Variants in DAB2IP observed in about 807,000 individuals in gnomAD.
The protein encoded by DAB2IP is disabled homolog 2-interacting protein.
Under a neutral mutation model 107.2 loss-of-function variants are expected in DAB2IP, and 28 were observed. That is an observed-to-expected ratio of 0.26 (90% confidence interval 0.19 to 0.36). The LOEUF (loss-of-function observed/expected upper bound fraction) is 0.36. Ranked by LOEUF, DAB2IP falls within the 10% of genes least tolerant of loss-of-function variation. The pLI is 1.00. For missense variants in DAB2IP, 1,400 were observed against 1,644.7 expected (o/e 0.85, Z 2.57); for synonymous variants, 755 against 706.4 (o/e 1.07, Z -1.09).
Position 121,699,192 on chromosome 9 carries a change from G to T in DAB2IP, c.229-133G>T. On this transcript the variant is annotated intron_variant, in intron 2 of 15. Transcript: ENST00000408936. This position sits in a 1 kb window ranked among gnomAD's most constrained non-coding sequence, Gnocchi z 6.2. ...GGGCGGCGCGGGCCGCGAGCTGCTG[G>T]GGCCGAGCCCGAGCCCGGCCCGCCC... The T allele has an allele frequency of 1.0e-6, 1 of 962,986 alleles. No homozygotes were observed. The highest frequency in any genetic ancestry group is 4.7e-5 in the South Asian group (1 of 21,130). The allele number at this position is 962,986 out of a possible 1,614,324, so 59.7% of individuals were successfully genotyped here.
intron 1 of DAB2IP, among the ~76,000 whole-genome samples, chr9:121,624,934 C>A (rs796738882): frequency 1.3e-5 from 2 of 152,032 alleles, no homozygotes; most frequent in African/African-American, 4.8e-5. Flanking sequence ...TAGGGGGCTG[C>A]GAGAAGAGCA....
chr9:121,775,204 C>T (rs1168747706), intron 13 of DAB2IP, among the ~76,000 whole-genome samples: 1 of 152,196 alleles, frequency 6.6e-6, no homozygotes, highest in Non-Finnish European at 1.5e-5. Context: ...TCTCCACTCC[C>T]CTCTGGATGC....
intron 3 of DAB2IP, chr9:121,752,089 A>G: frequency 3.2e-6 from 3 of 938,210 alleles, no homozygotes; most frequent in Non-Finnish European, 3.8e-6. Flanking sequence ...CACAGAGGGT[A>G]GGATGAGCCT....
In DAB2IP at chr9:121,678,667, T is replaced by C; in HGVS notation, c.125-11T>C. On this transcript the variant is annotated splice_polypyrimidine_tract_variant and intron_variant, in intron 1 of 15. Transcript: ENST00000408936. The stretch of plus-strand genomic sequence containing the variant: ...TTCTTGTTCAACCTCTCTCTCCTCC[T>C]CTGTTGGCAGAGTCGCCTCAAGAAA... The C allele has an allele frequency of 6.5e-7, 1 of 1,530,746 alleles. No individual in the cohort carries two copies. The highest frequency in any genetic ancestry group is 8.8e-7 in the Non-Finnish European group (1 of 1,132,136). The allele number at this position is 1,530,746 out of a possible 1,614,324, so 94.8% of individuals were successfully genotyped here. A position where few individuals can be genotyped will look rare whatever the true frequency, so the allele number is the denominator to read the frequency against.
intron 1 of DAB2IP, among the ~76,000 whole-genome samples, chr9:121,590,091 C>T (rs1830395974): frequency 6.6e-6 from 1 of 151,906 alleles, no homozygotes. Context: ...CTGGAAACAG[C>T]TGTTCTCCTG....
At chr9:121,580,338 ACCTCT>A (rs991578989) in intron 1 of DAB2IP, among the ~76,000 whole-genome samples, 1 of 152,070 alleles carries the variant, frequency 6.6e-6, no homozygotes, top group African/African-American at 2.4e-5. Flanking sequence ...GGGTGGAGAG[ACCTCT>A]AGGGGTAGGT....
In DAB2IP at chr9:121,772,788, G is replaced by A. The variant is rs548264077; in HGVS notation, c.2260G>A (p.Ala754Thr). Residue 754 changes from alanine (A) to threonine (T), a missense_variant, in exon 12 of 16, where the codon GCC becomes ACC. Transcript: ENST00000408936. This position sits in a 1 kb window ranked among gnomAD's most constrained non-coding sequence, Gnocchi z 4.7. ...CCTCTCCATGGTGGACCTCCAGGAC[G>A]CCCGCACGCTGGATGGGGAGGCAGG... 1.9e-5 allele frequency: 30 copies of A among 1,612,952 alleles called. No homozygotes were observed. Among genetic ancestry groups the A allele is most frequent in the African/African-American group, 1.7e-4 (13 of 75,060 alleles).
intron 1 of DAB2IP, among the ~76,000 whole-genome samples, chr9:121,660,283 T>C (rs1833147561): frequency 1.3e-5 from 2 of 152,182 alleles, no homozygotes; most frequent in Admixed American, 1.3e-4. Flanking sequence ...ACTTTCTAGA[T>C]GAGAAAACTG....
At chr9:121,757,746 A>G (rs1833594285) in intron 4 of DAB2IP, among the ~76,000 whole-genome samples, 1 of 150,750 alleles carries the variant, frequency 6.6e-6, no homozygotes, top group South Asian at 2.1e-4. Flanking sequence ...CCAAGCCGGG[A>G]GCAGGGTTAC....
intron 3 of DAB2IP, chr9:121,750,836 T>C (rs1348012903): frequency 6.6e-6 from 1 of 152,260 alleles, no homozygotes; most frequent in Non-Finnish European, 1.5e-5. Context: ...GTGGGTTGGC[T>C]GGAACGCTAT....
At chr9:121,613,302 C>A (rs1469457535) in intron 1 of DAB2IP, among the ~76,000 whole-genome samples, 2 of 152,202 alleles carry the variant, frequency 1.3e-5, no homozygotes, top group Admixed American at 6.5e-5. Context: ...CCTGACTGCC[C>A]TTGCCTCTTG....
At chr9:121,641,651 AC>A (rs950681618) in intron 1 of DAB2IP, among the ~76,000 whole-genome samples, 11 of 152,012 alleles carry the variant, frequency 7.2e-5, no homozygotes, top group African/African-American at 2.7e-4. Flanking sequence ...CAGGATTTGC[AC>A]CCTGGCCTGC....
chr9:121,759,768 TG>T (rs1833753255), intron 5 of DAB2IP, 116 bp from the exon 6 acceptor site: 2 of 913,518 alleles, frequency 2.2e-6, no homozygotes. Context: ...AGGCGCCCGC[TG>T]CCGCCTCCAC....
chr9:121,637,717 G>A (rs1025186483), intron 1 of DAB2IP, among the ~76,000 whole-genome samples: 19 of 152,308 alleles, frequency 1.2e-4, no homozygotes, highest in Admixed American at 4.6e-4. Flanking sequence ...GATTTCTCCC[G>A]GGAGAGGCCC....
intron 3 of DAB2IP, among the ~76,000 whole-genome samples, chr9:121,727,708 C>T (rs773105115): frequency 8.5e-5 from 13 of 152,224 alleles, no homozygotes; most frequent in African/African-American, 2.9e-4. Flanking sequence ...ACTGCAGGGG[C>T]AGGTGAGGAG....
At position 121,699,380 on chromosome 9, in the gene DAB2IP, A is replaced by G; in HGVS notation, c.284A>G (p.Lys95Arg). ...ATCAAGCGCACCAAGAGCCAGCCCAAGCTGGACCGCAACCACAGCTTCCGC... is the reference window on the plus strand; with the variant it reads ...ATCAAGCGCACCAAGAGCCAGCCCAGGCTGGACCGCAACCACAGCTTCCGC... The change falls in exon 3 of 16, where the codon AAG becomes AGG. Residue 95 changes from lysine (K) to arginine (R), a missense_variant. Lys to Arg is a conservative substitution (Grantham distance 26, BLOSUM62 2). This residue lies in a region of DAB2IP where 283 missense variants were observed against 237.0 expected (regional missense o/e 1.19). Coordinates refer to ENST00000408936, the Ensembl canonical transcript of DAB2IP. This position sits in a 1 kb window ranked among gnomAD's most constrained non-coding sequence, Gnocchi z 6.2. 6.8e-7 allele frequency: 1 copy of G among 1,479,136 alleles called. No individual in the cohort carries two copies. The highest frequency in any genetic ancestry group is 9.0e-7 in the Non-Finnish European group (1 of 1,105,594). The allele number at this position is 1,479,136 out of a possible 1,614,324, so 91.6% of individuals were successfully genotyped here. A position where few individuals can be genotyped will look rare whatever the true frequency, so the allele number is the denominator to read the frequency against.
chr9:121,656,968 A>G (rs1265390409), intron 1 of DAB2IP, among the ~76,000 whole-genome samples: 1 of 152,220 alleles, frequency 6.6e-6, no homozygotes, highest in African/African-American at 2.4e-5. Flanking sequence ...CTTCACAGCC[A>G]ATGACTTCAC....
rs1587985093 is a variant in DAB2IP at position 121,766,343 on chromosome 9, G to A, written c.1461-151G>A. 2.9e-5 allele frequency: 20 copies of A among 698,348 alleles called. No individual in the cohort carries two copies. In the East Asian group the frequency reaches 4.3e-4, roughly 15 times the overall value. 43.3% of individuals were successfully genotyped at this position (698,348 alleles called of 1,614,324 possible). A position where few individuals can be genotyped will look rare whatever the true frequency, so the allele number is the denominator to read the frequency against. ...CACCCTGTATTGACTGCTCTCCCCA[G>A]ATGGCTGTGTCCTCAGAGCTCAGAC... On this transcript the variant is annotated intron_variant, in intron 8 of 15. Coordinates refer to ENST00000408936, the Ensembl canonical transcript of DAB2IP.
In DAB2IP at chr9:121,760,912, C is replaced by G. The variant is rs1352122138; in HGVS notation, c.1170+473C>G. 6.6e-6 allele frequency among the ~76,000 whole-genome samples: 1 copy of G among 152,230 alleles called. No homozygotes were observed. Among genetic ancestry groups the G allele is most frequent in the Non-Finnish European group, 1.5e-5 (1 of 68,032 alleles). On this transcript the variant is annotated intron_variant, in intron 6 of 15. Transcript: ENST00000408936. This position sits in a 1 kb window ranked among gnomAD's most constrained non-coding sequence, Gnocchi z 5.9. ...ACAGCTCTACCTCACCCCACACTCT[C>G]ACCCAGACACACAGATTGTCACACA...
Sources: gnomAD v4.1 joint callset for allele counts (sites outside exome capture counted in the v4.1 genomes callset) on GRCh38, gnomAD v4.1.1 for gene constraint, gnomAD v4.1.1 regional missense constraint, Gnocchi (gnomAD v3.1) non-coding constraint, MANE v1.5 for transcripts, NCBI Gene and HGNC (gene_info 2026-07-23, HGNC 2026-07-21) for gene names.